NFIA: variants seen among roughly 807,000 people sequenced by gnomAD.
NFIA encodes the protein nuclear factor 1 A-type.
Under a neutral mutation model 62.8 loss-of-function variants are expected in NFIA, and 8 were observed. The ratio of observed to expected loss-of-function variants is 0.13; its 90% CI spans 0.07 to 0.23. The LOEUF (loss-of-function observed/expected upper bound fraction) is 0.23, where lower values mean the gene tolerates loss of function less well. Among genes scored for constraint, NFIA ranks in the 10% least tolerant of loss-of-function variants. The pLI, the probability that NFIA is intolerant of heterozygous loss-of-function variation, is 1.00. For missense variants in NFIA, 410 were observed against 642.1 expected (o/e 0.64, Z 3.91); for synonymous variants, 235 against 238.1 (o/e 0.99, Z 0.12).
At chr1:61,237,208 C>G (rs148543845) in intron 2 of NFIA, among the ~76,000 whole-genome samples, 1 of 152,194 alleles carries the variant, frequency 6.6e-6, no homozygotes, top group Non-Finnish European at 1.5e-5. Flanking sequence ...TTATTGAGAA[C>G]ATCAAACTTA....
In NFIA at chr1:61,129,441, T is replaced by G. The variant is rs1189983834; in HGVS notation, c.559+40761T>G. 2.4e-5 allele frequency among the ~76,000 whole-genome samples: 3 copies of G among 123,566 alleles called. No individual in the cohort carries two copies. The Admixed American group carries it at 3.2e-4, about 13-fold the overall frequency. 81.1% of individuals were successfully genotyped at this position (123,566 alleles called of 152,430 possible). On this transcript the variant is annotated intron_variant, in intron 2 of 10. Transcript: ENST00000403491. ...ACAGAATGACAATAGTCGTGATACT[T>G]TCTTTATTCTTTTTTTTTTTTTTTT...
chr1:61,089,700 T>C lies in NFIA; in HGVS notation c.559+1020T>C, dbSNP rs1158333516. Among the ~76,000 whole-genome samples the C allele has an allele frequency of 4.0e-5, 6 of 149,786 alleles. No homozygotes were observed. The South Asian group carries it at 6.3e-4, about 16-fold the overall frequency. The stretch of plus-strand genomic sequence containing the variant: ...AATATTTAACGTTTTTTTTTCTTTT[T>C]TTTTTTTTTTTTTTACAAAGGAGAG... On this transcript the variant is annotated intron_variant, in intron 2 of 10. Coordinates refer to ENST00000403491, the MANE Select transcript of NFIA (RefSeq NM_001134673.4).
intron 10 of NFIA, among the ~76,000 whole-genome samples, chr1:61,444,289 C>A (rs1297884102): frequency 6.6e-6 from 1 of 152,130 alleles, no homozygotes; most frequent in Non-Finnish European, 1.5e-5. Flanking sequence ...TTCTCCTGGC[C>A]CCTGCCCTGC....
At position 61,193,361 on chromosome 1, in the gene NFIA, T is replaced by C. The variant is rs963809949; in HGVS notation, c.560-84159T>C. Among the ~76,000 whole-genome samples the C allele has an allele frequency of 2.0e-5, 3 of 152,218 alleles. No homozygotes were observed. The East Asian group carries it at 5.8e-4, about 29-fold the overall frequency. ...GAAGGATCTTTTGTTTGCGTGTTTG[T>C]TTCAAACTTTTCCATGTATAGAGGT... On this transcript the variant is annotated intron_variant, in intron 2 of 10. Transcript: ENST00000403491.
chr1:61,218,243 C>G (rs1653770578), intron 2 of NFIA, among the ~76,000 whole-genome samples: 1 of 152,160 alleles, frequency 6.6e-6, no homozygotes, highest in African/African-American at 2.4e-5. Flanking sequence ...GAATATGTTA[C>G]AATTGTAAGA....
Position 61,416,786 on chromosome 1 carries a change from C to T in NFIA, c.1421-9679C>T, listed in dbSNP as rs574781584. Reference sequence around the variant, plus strand: ...TTAGCCCCTTTTAAAGAAGATGAAACGGAGCAAAGGTTCAGATCCCAGTCT... The same window carrying T: ...TTAGCCCCTTTTAAAGAAGATGAAATGGAGCAAAGGTTCAGATCCCAGTCT... On this transcript the variant is annotated intron_variant, in intron 9 of 10. Coordinates refer to ENST00000403491, the MANE Select transcript of NFIA (RefSeq NM_001134673.4). Among the ~76,000 whole-genome samples the T allele has an allele frequency of 5.9e-5, 9 of 152,152 alleles. No individual in the cohort carries two copies. The South Asian group carries it at 8.3e-4, about 14-fold the overall frequency.
At chr1:61,435,007 A>G (rs904215706) in intron 10 of NFIA, among the ~76,000 whole-genome samples, 2 of 152,184 alleles carry the variant, frequency 1.3e-5, no homozygotes, top group African/African-American at 4.8e-5. Context: ...TCAAAAGTTG[A>G]TGATAGCCAT....
chr1:61,410,020 G>T (rs909069210), intron 9 of NFIA, among the ~76,000 whole-genome samples: 3 of 152,154 alleles, frequency 2.0e-5, no homozygotes, highest in Non-Finnish European at 2.9e-5. Flanking sequence ...CACCTATCAG[G>T]CATCTGTGAC....
intron 2 of NFIA, among the ~76,000 whole-genome samples, chr1:61,195,253 T>A (rs939022562): frequency 6.6e-6 from 1 of 152,220 alleles, no homozygotes; most frequent in Admixed American, 6.5e-5. Flanking sequence ...GATTCCTTTG[T>A]CAAAACTGCT....
At chr1:61,261,101 C>T (rs566066081) in intron 2 of NFIA, among the ~76,000 whole-genome samples, 1 of 152,058 alleles carries the variant, frequency 6.6e-6, no homozygotes, top group Non-Finnish European at 1.5e-5. Context: ...AATCTGGAGC[C>T]CATTTTATTT....
At chr1:61,200,919 A>C (rs560274037) in intron 2 of NFIA, among the ~76,000 whole-genome samples, 22 of 152,102 alleles carry the variant, frequency 1.4e-4, no homozygotes, top group Non-Finnish European at 3.1e-4. Flanking sequence ...CATTTAGCAA[A>C]GTTATGAAAT....
At chr1:61,322,743 T>TA in intron 3 of NFIA, among the ~76,000 whole-genome samples, 1 of 152,316 alleles carries the variant, frequency 6.6e-6, no homozygotes, top group Admixed American at 6.5e-5. Flanking sequence ...AGAAAGGTAT[T>TA]ACAAAAACAT....
chr1:61,332,383 C>A (rs1661342903), intron 3 of NFIA, 129 bp from the exon 4 acceptor site: 2 of 836,976 alleles, frequency 2.4e-6, no homozygotes, highest in South Asian at 1.7e-5. Flanking sequence ...CCCACATAAA[C>A]CCCAAGGAGA....
intron 2 of NFIA, among the ~76,000 whole-genome samples, chr1:61,164,752 G>A (rs1485252890): frequency 1.3e-5 from 2 of 152,150 alleles, no homozygotes; most frequent in African/African-American, 2.4e-5. Context: ...GAGCCACCAC[G>A]TCCAGCCAAA....
At position 61,318,523 on chromosome 1, in the gene NFIA, C is replaced by T. The variant is rs376508794; in HGVS notation, c.626-13989C>T. ...CCTGCTCTGAGCTGCAAAGGACACT[C>T]TAAACCAATAGTTCTACAAATATGT... On this transcript the variant is annotated intron_variant, in intron 3 of 10. Coordinates refer to ENST00000403491, the MANE Select transcript of NFIA (RefSeq NM_001134673.4). 5.5e-4 allele frequency among the ~76,000 whole-genome samples: 84 copies of T among 152,322 alleles called. 1 individual carries two copies. Among genetic ancestry groups the T allele is most frequent in the African/African-American group, 2.0e-3 (83 of 41,582 alleles).
intron 10 of NFIA, among the ~76,000 whole-genome samples, chr1:61,438,411 G>T (rs1455516495): frequency 6.6e-6 from 1 of 152,132 alleles, no homozygotes; most frequent in Non-Finnish European, 1.5e-5. Context: ...AGGACAAGGG[G>T]CCTGTGACCA....
In NFIA at chr1:61,142,873, C is replaced by T. The variant is rs17121673; in HGVS notation, c.559+54193C>T. Reference sequence around the variant, plus strand: ...TAAGAGAGAGCCGGGGATGGACCCTCCTTGCTGTGGCTCCTGAACAGTGCA... The same window carrying T: ...TAAGAGAGAGCCGGGGATGGACCCTTCTTGCTGTGGCTCCTGAACAGTGCA... On this transcript the variant is annotated intron_variant, in intron 2 of 10. Coordinates refer to ENST00000403491, the MANE Select transcript of NFIA (RefSeq NM_001134673.4). Among the ~76,000 whole-genome samples the T allele has an allele frequency of 8.8e-3, 1,344 of 152,258 alleles. 42 individuals are homozygous for T. The East Asian group carries it at 0.11, about 13-fold the overall frequency.
intron 1 of NFIA, among the ~76,000 whole-genome samples, chr1:61,084,914 C>T (rs968517608): frequency 1.3e-5 from 2 of 151,096 alleles, no homozygotes; most frequent in Non-Finnish European, 2.9e-5. Flanking sequence ...ATTCACTAGG[C>T]CTTCTTCTGG....
At chr1:61,280,117 G>A (rs1658042417) in intron 3 of NFIA, among the ~76,000 whole-genome samples, 2 of 152,200 alleles carry the variant, frequency 1.3e-5, no homozygotes, top group Non-Finnish European at 2.9e-5. Flanking sequence ...GTCAATCTCA[G>A]ATGAAGTTAG....
Sources: allele counts gnomAD v4.1 joint callset (sites outside exome capture counted in the v4.1 genomes callset), GRCh38; gene constraint gnomAD v4.1.1; transcripts MANE v1.5; gene names NCBI Gene and HGNC (gene_info 2026-07-23, HGNC 2026-07-21).